The following DUSP19 variants were observed in gnomAD, a reference collection of about 807,000 sequenced individuals.
The protein encoded by DUSP19 is dual specificity protein phosphatase 19.
A neutral mutation model predicts 16.6 loss-of-function variants in DUSP19; 14 were observed. That is an observed-to-expected ratio of 0.84 (90% confidence interval 0.56 to 1.32). The LOEUF (loss-of-function observed/expected upper bound fraction) is 1.32, where lower values mean the gene tolerates loss of function less well. DUSP19 is among the 40% of genes most tolerant of loss of function. The pLI, the probability that DUSP19 is intolerant of heterozygous loss-of-function variation, is 0.00. For missense variants in DUSP19, 258 were observed against 255.9 expected, an observed-to-expected ratio of 1.01 and a Z score of -0.06; for synonymous variants, 81 against 90.5, an observed-to-expected ratio of 0.90 and a Z score of 0.59.
intron 2 of DUSP19, 126 bp downstream of exon 2, chr2:183,083,680 T>C: frequency 1.5e-6 from 1 of 671,450 alleles, no homozygotes; most frequent in Non-Finnish European, 2.3e-6. Context: ...TGGCTATCAT[T>C]TCAATAGAGT....
chr2:183,092,862 C>T (rs1156310519), intron 3 of DUSP19, among the ~76,000 whole-genome samples: 1 of 151,982 alleles, frequency 6.6e-6, no homozygotes, highest in Non-Finnish European at 1.5e-5. Flanking sequence ...CAGCACCACG[C>T]CCAGCTAATT....
intron 3 of DUSP19, among the ~76,000 whole-genome samples, chr2:183,090,488 T>G (rs1039978985): frequency 6.6e-6 from 1 of 152,258 alleles, no homozygotes. Context: ...AATGTGTATT[T>G]GATATTTCAT....
intron 3 of DUSP19, among the ~76,000 whole-genome samples, chr2:183,089,912 T>C (rs1699711181): frequency 6.6e-6 from 1 of 152,134 alleles, no homozygotes; most frequent in East Asian, 1.9e-4. Flanking sequence ...TAGCTGGGAT[T>C]ACAGGTGCGC....
chr2:183,090,141 C>A (rs994048137), intron 3 of DUSP19, among the ~76,000 whole-genome samples: 1 of 152,110 alleles, frequency 6.6e-6, no homozygotes, highest in Non-Finnish European at 1.5e-5. Flanking sequence ...AAGAAAAGAT[C>A]TCTTCATGCC....
chr2:183,096,850 G>A lies in DUSP19; in HGVS notation c.*1192G>A, dbSNP rs1273125184. ...AGAAACTTTAAATATACTTTTAGGA[G>A]ACCCACAATCATTTACAGTTTTATC... On this transcript the variant is annotated 3_prime_UTR_variant, in exon 4 of 4. Coordinates refer to ENST00000354221, the MANE Select transcript of DUSP19 (RefSeq NM_080876.4). 6.6e-6 allele frequency: 1 copy of A among 152,312 alleles called. No homozygotes were observed. The highest frequency in any genetic ancestry group is 2.4e-5 in the African/African-American group (1 of 41,362). 9.4% of individuals were successfully genotyped at this position (152,312 alleles called of 1,614,324 possible).
At chr2:183,083,711 A>AGAG (rs1699624284) in intron 2 of DUSP19, among the ~76,000 whole-genome samples, 157 bp downstream of exon 2, 1 of 152,208 alleles carries the variant, frequency 6.6e-6, no homozygotes, top group Non-Finnish European at 1.5e-5. Flanking sequence ...TTGGCACATA[A>AGAG]TTCAAATATG....
At chr2:183,090,026 A>T (rs1471095087) in intron 3 of DUSP19, among the ~76,000 whole-genome samples, 2 of 152,222 alleles carry the variant, frequency 1.3e-5, no homozygotes, top group African/African-American at 4.8e-5. Flanking sequence ...CACCTGCCTC[A>T]GCCTCCCAAA....
At chr2:183,080,105 C>T (rs1699573937) in intron 1 of DUSP19, among the ~76,000 whole-genome samples, 2 of 152,162 alleles carry the variant, frequency 1.3e-5, no homozygotes, top group African/African-American at 4.8e-5. Flanking sequence ...CAGACGTATG[C>T]ATCAAGCCCA....
chr2:183,080,085 TG>T (rs2105494638), intron 1 of DUSP19, among the ~76,000 whole-genome samples: 1 of 152,296 alleles, frequency 6.6e-6, no homozygotes, highest in African/African-American at 2.4e-5. Context: ...GTAACACACC[TG>T]GTAAATAACA....
In DUSP19 at chr2:183,097,769, A is replaced by G. The variant is rs1018485960; in HGVS notation, c.*2111A>G. 1.1e-4 allele frequency: 16 copies of G among 152,246 alleles called. No homozygotes were observed. The highest frequency in any genetic ancestry group is 3.9e-4 in the African/African-American group (16 of 41,468). 9.4% of individuals were successfully genotyped at this position (152,246 alleles called of 1,614,324 possible). ...TTCATAAGAAAGGATGTATTTAAAT[A>G]CATTTTATTTTGCTAAATCCTGTTT... On this transcript the variant is annotated 3_prime_UTR_variant, in exon 4 of 4. Coordinates refer to ENST00000354221, the MANE Select transcript of DUSP19 (RefSeq NM_080876.4).
In DUSP19 at chr2:183,099,733, GC is replaced by G. The variant is rs1425501094; in HGVS notation, c.*4076del. ...AATCTGTTGGTGGCCAGGCGCAGTG[GC>G]TCATGCCTGTAATCCCAACATTTTG... is the stretch of plus-strand genomic sequence containing the variant. On this transcript the variant is annotated 3_prime_UTR_variant, in exon 4 of 4. Transcript: ENST00000354221. The G allele has an allele frequency of 1.3e-5, 2 of 152,206 alleles. No homozygotes were observed. The highest frequency in any genetic ancestry group is 4.8e-5 in the African/African-American group (2 of 41,446). The allele number at this position is 152,206 out of a possible 1,614,324, so 9.4% of individuals were successfully genotyped here.
intron 2 of DUSP19, among the ~76,000 whole-genome samples, chr2:183,086,224 G>C (rs1165296752): frequency 6.6e-6 from 1 of 152,220 alleles, no homozygotes; most frequent in Non-Finnish European, 1.5e-5. Context: ...CTAATGTGCA[G>C]TCATCCTGGA....
At chr2:183,079,653 CTGTT>C (rs1699567445) in intron 1 of DUSP19, among the ~76,000 whole-genome samples, 1 of 152,124 alleles carries the variant, frequency 6.6e-6, no homozygotes, top group Admixed American at 6.5e-5. Flanking sequence ...TTCATGGTGT[CTGTT>C]TTTGGAGTGT....
intron 3 of DUSP19, among the ~76,000 whole-genome samples, chr2:183,088,270 G>T (rs1699686655): frequency 6.6e-6 from 1 of 152,098 alleles, no homozygotes; most frequent in Non-Finnish European, 1.5e-5. Flanking sequence ...TGCACTCTGT[G>T]ATGTTTACAC....
chr2:183,088,431 C>T (rs137925321), intron 3 of DUSP19, among the ~76,000 whole-genome samples: 2,371 of 113,896 alleles, frequency 0.021, 79 homozygotes, highest in African/African-American at 0.074. Flanking sequence ...TTTTGAGATG[C>T]AGTCTCACTC....
chr2:183,093,190 A>C (rs1196526605), intron 3 of DUSP19, among the ~76,000 whole-genome samples: 6 of 152,238 alleles, frequency 3.9e-5, no homozygotes, highest in Non-Finnish European at 2.9e-5. Context: ...AAATGGAAAT[A>C]ACATAGCATA....
rs900688522 is a variant in DUSP19 at position 183,099,641 on chromosome 2, A to G, written c.*3983A>G. On this transcript the variant is annotated 3_prime_UTR_variant, in exon 4 of 4. Coordinates refer to ENST00000354221, the MANE Select transcript of DUSP19 (RefSeq NM_080876.4). ...ATATGTTTAATATTTTCCCATTAAT[A>G]TATTTCTTTGAAGCTATTTGTTTTA... The G allele has an allele frequency of 1.3e-5, 2 of 152,320 alleles. No homozygotes were observed. The highest frequency in any genetic ancestry group is 6.5e-5 in the Admixed American group (1 of 15,298). The allele number at this position is 152,320 out of a possible 1,614,324, so 9.4% of individuals were successfully genotyped here.
At chr2:183,082,097 G>A (rs2105496213) in intron 1 of DUSP19, among the ~76,000 whole-genome samples, 1 of 152,320 alleles carries the variant, frequency 6.6e-6, no homozygotes, top group South Asian at 2.1e-4. Context: ...GATACATGGA[G>A]TGTGGGTGGG....
chr2:183,082,663 A>T (rs759885535), intron 1 of DUSP19, among the ~76,000 whole-genome samples: 3 of 151,998 alleles, frequency 2.0e-5, no homozygotes, highest in African/African-American at 4.8e-5. Context: ...ACCTCAAGTG[A>T]TCCACCCACC....
Sources: allele counts gnomAD v4.1 joint callset (sites outside exome capture counted in the v4.1 genomes callset), GRCh38; gene constraint gnomAD v4.1.1; transcripts MANE v1.5; gene names NCBI Gene and HGNC (gene_info 2026-07-23, HGNC 2026-07-21).